SKAP1: variants seen among roughly 807,000 people sequenced by gnomAD.
SKAP1 encodes src kinase-associated phosphoprotein 1.
Under a neutral mutation model 58.5 loss-of-function variants are expected in SKAP1, and 44 were observed. The ratio of observed to expected loss-of-function variants is 0.75; its 90% CI spans 0.59 to 0.97. The LOEUF is 0.97. Ranked by LOEUF, SKAP1 falls within the 50% of genes least tolerant of loss-of-function variation. The probability of loss-of-function intolerance (pLI) is 0.00; values close to 1 mark genes in which losing one functional copy is unlikely to be tolerated. For missense variants in SKAP1, 390 were observed against 435.2 expected (o/e 0.90, Z 0.92); for synonymous variants, 127 against 149.7 (o/e 0.85, Z 1.11).
chr17:48,363,454 A>G (rs1030030071), intron 3 of SKAP1, among the ~76,000 whole-genome samples: 2 of 152,218 alleles, frequency 1.3e-5, no homozygotes, highest in South Asian at 4.1e-4. Flanking sequence ...AACCCTCCCA[A>G]GGTTTTTATT....
At chr17:48,440,458 CTG>C in the SKAP1 span, among the ~76,000 whole-genome samples, 1 of 152,222 alleles carries the variant, frequency 6.6e-6, no homozygotes, top group Non-Finnish European at 1.5e-5. Flanking sequence ...GGAGGTGAGA[CTG>C]TCCCTTATAC....
intron 4 of SKAP1, among the ~76,000 whole-genome samples, chr17:48,211,477 C>T (rs2064872377): frequency 6.6e-6 from 1 of 152,128 alleles, no homozygotes; most frequent in Non-Finnish European, 1.5e-5. Context: ...GGAGGGACAA[C>T]CAGGACAAAA....
chr17:48,186,454 T>TTTTATTTA (rs58026898), intron 6 of SKAP1, among the ~76,000 whole-genome samples: 44 of 148,472 alleles, frequency 3.0e-4, no homozygotes, highest in South Asian at 4.3e-4. Context: ...AAGCTGCAGT[T>TTTTATTTA]TTTATTTATT....
chr17:48,210,392 G>T (rs1483974941), intron 4 of SKAP1, among the ~76,000 whole-genome samples: 3 of 152,174 alleles, frequency 2.0e-5, no homozygotes, highest in African/African-American at 7.2e-5. Context: ...TCTATGAGTA[G>T]TTCTGATGCT....
At chr17:48,228,347 A>C (rs567669306) in intron 4 of SKAP1, among the ~76,000 whole-genome samples, 1 of 152,118 alleles carries the variant, frequency 6.6e-6, no homozygotes, top group African/African-American at 2.4e-5. Context: ...TTGTTAATAA[A>C]CCTCCCATAG....
At chr17:48,324,974 C>T (rs2066414545) in intron 4 of SKAP1, among the ~76,000 whole-genome samples, 2 of 151,978 alleles carry the variant, frequency 1.3e-5, no homozygotes, top group South Asian at 4.2e-4. Context: ...CATTGCCAGG[C>T]GCGGTGGCTC....
intron 1 of SKAP1, among the ~76,000 whole-genome samples, chr17:48,410,934 C>CA (rs61705374): frequency 0.31 from 20,952 of 66,658 alleles, 3,308 homozygotes; most frequent in South Asian, 0.41. Flanking sequence ...GACTCCATTT[C>CA]AAAAAAAAAA....
At chr17:48,145,528 C>T (rs2063822008) in intron 11 of SKAP1, among the ~76,000 whole-genome samples, 1 of 152,110 alleles carries the variant, frequency 6.6e-6, no homozygotes, top group African/African-American at 2.4e-5. Flanking sequence ...ACTCTGCCTC[C>T]AGTGGTTTCC....
intron 2 of SKAP1, among the ~76,000 whole-genome samples, chr17:48,367,325 A>G (rs1034932104): frequency 6.6e-6 from 1 of 152,020 alleles, no homozygotes; most frequent in Admixed American, 6.6e-5. Context: ...CAATTATAAG[A>G]TGAATAAATT....
chr17:48,318,759 G>A (rs8067019), intron 4 of SKAP1, among the ~76,000 whole-genome samples: 3,740 of 152,318 alleles, frequency 0.025, 144 homozygotes, highest in African/African-American at 0.084. Flanking sequence ...AGCTAGTCTG[G>A]AGGCTGAGGT....
chr17:48,279,081 A>G lies in SKAP1; in HGVS notation c.280+66824T>C, dbSNP rs559715290. On this transcript the variant is annotated intron_variant, in intron 4 of 12. Transcript: ENST00000336915. ...ACTTCTGAGTACTAAATGTGTCTCA[A>G]CTGAAGCAACTATCCTGGAGGATGA... is the stretch of plus-strand genomic sequence containing the variant. Among the ~76,000 whole-genome samples the G allele has an allele frequency of 1.8e-3, 280 of 152,284 alleles. 1 individual carries two copies. Among genetic ancestry groups the G allele is most frequent in the African/African-American group, 6.6e-3 (275 of 41,544 alleles).
chr17:48,174,284 A>G (rs1345290152), intron 9 of SKAP1, among the ~76,000 whole-genome samples: 1 of 152,254 alleles, frequency 6.6e-6, no homozygotes, highest in African/African-American at 2.4e-5. Context: ...AGGTGGCTGA[A>G]AGTAGGCTCA....
At chr17:48,429,670 GT>G (rs2144633479) in intron 1 of SKAP1, among the ~76,000 whole-genome samples, 1 of 152,284 alleles carries the variant, frequency 6.6e-6, no homozygotes, top group East Asian at 1.9e-4. Flanking sequence ...AAGCAGGAAG[GT>G]TTGGGGTCTT....
chr17:48,149,695 G>A (rs1301364233), intron 11 of SKAP1, among the ~76,000 whole-genome samples: 2 of 152,122 alleles, frequency 1.3e-5, no homozygotes, highest in Non-Finnish European at 2.9e-5. Context: ...CTAATGATCT[G>A]TTTACTGCTG....
At chr17:48,179,945 G>A (rs2064345414) in intron 9 of SKAP1, 109 bp downstream of exon 9, 1 of 993,204 alleles carries the variant, frequency 1.0e-6, no homozygotes, top group African/African-American at 1.6e-5. Flanking sequence ...TCCTTCAGAG[G>A]ATGAGGGTTA....
At chr17:48,207,010 T>A (rs371401843) in intron 4 of SKAP1, among the ~76,000 whole-genome samples, 1 of 152,048 alleles carries the variant, frequency 6.6e-6, no homozygotes, top group African/African-American at 2.4e-5. Context: ...AAATAGAAAA[T>A]TTTAAAAATA....
At chr17:48,258,842 A>C (rs2065454947) in intron 4 of SKAP1, among the ~76,000 whole-genome samples, 1 of 152,086 alleles carries the variant, frequency 6.6e-6, no homozygotes, top group African/African-American at 2.4e-5. Context: ...CTGGAGAAGG[A>C]CCAGGCCTGT....
rs35138934 is a variant in SKAP1, at chr17:48,205,013, CTTTT to C, written c.281-15517_281-15514del. Among the ~76,000 whole-genome samples, 278 of 76,046 alleles carry C rather than the reference CTTTT, an allele frequency of 3.7e-3. 1 individual carries two copies. In the East Asian group the frequency reaches 0.039, roughly 11 times the overall value. The allele number at this position is 76,046 out of a possible 152,430, so 49.9% of individuals were successfully genotyped here. A position where few individuals can be genotyped will look rare whatever the true frequency, so the allele number is the denominator to read the frequency against. On this transcript the variant is annotated intron_variant, in intron 4 of 12. Transcript: ENST00000336915. ...TCTTTCTTTCTTTCTTTCTTTCTTT[CTTTT>C]TCTTTCTTTCTTTCTTTCTTTCTCT...
At chr17:48,312,299 T>G (rs1040893782) in intron 4 of SKAP1, among the ~76,000 whole-genome samples, 6 of 152,242 alleles carry the variant, frequency 3.9e-5, no homozygotes, top group African/African-American at 1.4e-4. Context: ...AAACTTTTAA[T>G]ATCTGCAAGA....
Sources: gnomAD v4.1 joint callset for allele counts (sites outside exome capture counted in the v4.1 genomes callset) on GRCh38, gnomAD v4.1.1 for gene constraint, MANE v1.5 for transcripts, NCBI Gene and HGNC (gene_info 2026-07-23, HGNC 2026-07-21) for gene names.